Variants in CFAP221 observed in about 807,000 individuals in gnomAD.
CFAP221 encodes cilia and flagella associated protein 221.
Under a neutral mutation model 113.1 loss-of-function variants are expected in CFAP221, and 97 were observed. That is an observed-to-expected ratio of 0.86 (90% CI 0.73 to 1.02). CFAP221 has a LOEUF of 1.02. Among genes scored for constraint, CFAP221 ranks in the 50% least tolerant of loss-of-function variants. CFAP221 has a pLI of 0.00. For missense variants in CFAP221, 1,025 were observed against 1,013.4 expected (o/e 1.01, Z -0.16); for synonymous variants, 331 against 354.4 (o/e 0.93, Z 0.74).
chr2:119,570,549 C>T (rs555264213), intron 6 of CFAP221, among the ~76,000 whole-genome samples: 1 of 152,302 alleles, frequency 6.6e-6, no homozygotes, highest in East Asian at 1.9e-4. Context: ...CCAGCCTCAG[C>T]CAAAGCTGAT....
intron 11 of CFAP221, among the ~76,000 whole-genome samples, chr2:119,606,434 G>A (rs904055245): frequency 6.6e-6 from 1 of 152,074 alleles, no homozygotes; most frequent in East Asian, 1.9e-4. Flanking sequence ...TGCCCACCGG[G>A]CTGCTCCCCT....
intron 21 of CFAP221, 113 bp downstream of exon 21, chr2:119,639,985 G>A: frequency 1.1e-6 from 1 of 892,066 alleles, no homozygotes; most frequent in Non-Finnish European, 1.7e-6. Context: ...TTTAAAGCAT[G>A]AGAGAAGTTT....
At chr2:119,596,963 A>G (rs1245211097) in intron 7 of CFAP221, among the ~76,000 whole-genome samples, 1 of 152,234 alleles carries the variant, frequency 6.6e-6, no homozygotes, top group Non-Finnish European at 1.5e-5. Flanking sequence ...TGGGACGCTC[A>G]TCCCAGTGAT....
In CFAP221 at chr2:119,608,520, A is replaced by C; in HGVS notation, c.1152A>C (p.Lys384Asn). 6.2e-7 allele frequency: 1 copy of C among 1,612,154 alleles called. No homozygotes were observed. The highest frequency in any genetic ancestry group is 8.5e-7 in the Non-Finnish European group (1 of 1,179,280). ...NHLKWQVHLG[K>N]DPMSFKLKKE... ...TCCCCAGGCAGGTGCACCTTGGTAA[A>C]GATCCTATGTCTTTTAAACTTAAAA... The change falls in exon 12 of 24, where the codon AAA becomes AAC. Residue 384 changes from lysine to asparagine, a missense_variant. Transcript: ENST00000413369.
At chr2:119,561,772 C>T (rs992740838) in intron 5 of CFAP221, among the ~76,000 whole-genome samples, 1 of 151,840 alleles carries the variant, frequency 6.6e-6, no homozygotes, top group Admixed American at 6.6e-5. Context: ...TATGAGGCGT[C>T]ATTATCTTTA....
chr2:119,604,971 T>G lies in CFAP221; in HGVS notation c.1008T>G (p.Ile336Met), dbSNP rs1388646376. 3 of 1,613,874 alleles carry G rather than the reference T, an allele frequency of 1.9e-6. No individual in the cohort carries two copies. In the African/African-American group the frequency reaches 4.0e-5, roughly 22 times the overall value. Residue 336 changes from isoleucine to methionine, a missense_variant, in exon 10 of 24, where the codon ATT becomes ATG. By Grantham distance (10) the Ile-to-Met change is conservative. Transcript: ENST00000413369. ...ACCAAGAACCAGGAAAATTGAAGAT[T>G]AAAGAATTAAGAGAAGGTAACCAGT... is the stretch of plus-strand genomic sequence containing the variant. Reference protein sequence around the residue: ...VLNQEPGKLKIKELREVLDQG... With the variant: ...VLNQEPGKLKMKELREVLDQG...
chr2:119,587,954 A>G (rs1231129284), intron 7 of CFAP221, among the ~76,000 whole-genome samples: 10 of 152,222 alleles, frequency 6.6e-5, no homozygotes, highest in Non-Finnish European at 5.9e-5. Context: ...ATTATTTTCT[A>G]GAGGACCAGG....
At chr2:119,623,521 A>G (rs1456852756) in intron 14 of CFAP221, among the ~76,000 whole-genome samples, 1 of 152,258 alleles carries the variant, frequency 6.6e-6, no homozygotes, top group Non-Finnish European at 1.5e-5. Flanking sequence ...AAACTACTTT[A>G]AATTTCATTT....
chr2:119,577,395 G>T (rs906721299), intron 6 of CFAP221, among the ~76,000 whole-genome samples: 8 of 152,176 alleles, frequency 5.3e-5, no homozygotes, highest in African/African-American at 1.7e-4. Context: ...CTTATTAGAA[G>T]AAATGCCCTC....
At position 119,587,162 on chromosome 2, in the gene CFAP221, T is replaced by A. The variant is rs1158584603; in HGVS notation, c.571T>A (p.Phe191Ile). ...TTTGCAGTGCAGCTGCCCTGTAGATTTTGAGTTTTATATCACCTTGATTCA... is the reference window on the plus strand; with the variant it reads ...TTTGCAGTGCAGCTGCCCTGTAGATATTGAGTTTTATATCACCTTGATTCA... The part of the protein sequence containing the change: ...IPLQCSCPVD[F>I]EFYITLIQSH... The change falls in exon 7 of 24, where the codon TTT (phenylalanine) becomes ATT (isoleucine). Residue 191 changes from phenylalanine to isoleucine, a missense_variant. Physicochemically the swap from Phe to Ile is conservative, Grantham distance 21 (BLOSUM62 0). Transcript: ENST00000413369. The A allele has an allele frequency of 6.5e-7, 1 of 1,532,770 alleles. No homozygotes were observed. Among genetic ancestry groups the A allele is most frequent in the Non-Finnish European group, 8.7e-7 (1 of 1,145,264 alleles). 94.9% of individuals were successfully genotyped at this position (1,532,770 alleles called of 1,614,324 possible). A position where few individuals can be genotyped will look rare whatever the true frequency, so the allele number is the denominator to read the frequency against.
At chr2:119,659,264 C>T (rs1688542148), downstream of CFAP221, among the ~76,000 whole-genome samples, 1 of 152,150 alleles carries the variant, frequency 6.6e-6, no homozygotes, top group African/African-American at 2.4e-5. Context: ...TTTACTTTGG[C>T]TTTATAGAGT....
In CFAP221 at chr2:119,582,560, A is replaced by G. The variant is rs377442051; in HGVS notation, c.528-4559A>G. 2.3e-4 allele frequency among the ~76,000 whole-genome samples: 35 copies of G among 150,682 alleles called. No homozygotes were observed. The East Asian group carries it at 3.5e-3, about 15-fold the overall frequency. The stretch of plus-strand genomic sequence containing the variant: ...AACCTCCGCGTTCCAGGCTTCAGCC[A>G]TCAGCCCATCTCAGCCTCCCGAGCA... On this transcript the variant is annotated intron_variant, in intron 6 of 23. Transcript: ENST00000413369.
chr2:119,595,469 AG>A (rs1301527426), intron 7 of CFAP221, among the ~76,000 whole-genome samples: 28 of 152,220 alleles, frequency 1.8e-4, no homozygotes, highest in African/African-American at 6.7e-4. Flanking sequence ...TTTTTGAAGA[AG>A]GGTAGTTGAG....
In CFAP221 at chr2:119,546,198, C is replaced by T. The variant is rs1680039110; in HGVS notation, c.67C>T (p.Pro23Ser). The T allele has an allele frequency of 6.5e-7, 1 of 1,535,820 alleles. No individual in the cohort carries two copies. The highest frequency in any genetic ancestry group is 8.7e-7 in the Non-Finnish European group (1 of 1,146,752). ...NAKEPFNNAS[P>S]HLLKNLVEEP... ...TAAAGAACCCTTTAATAATGCATCA[C>T]CCCATCTCTTGAAGAACCTAGTGGA... Residue 23 changes from proline (P) to serine (S), a missense_variant, in exon 2 of 24, where the codon CCC (proline) becomes TCC (serine). Transcript: ENST00000413369.
chr2:119,623,452 T>C (rs1356802158), intron 14 of CFAP221, among the ~76,000 whole-genome samples: 1 of 152,226 alleles, frequency 6.6e-6, no homozygotes, highest in Non-Finnish European at 1.5e-5. Context: ...CAAAGTAATT[T>C]ATAGATTCAA....
intron 6 of CFAP221, among the ~76,000 whole-genome samples, chr2:119,579,788 T>C (rs755071388): frequency 3.3e-5 from 5 of 152,164 alleles, no homozygotes; most frequent in Non-Finnish European, 7.4e-5. Context: ...ATGTAACAAA[T>C]GGGAAAAGCT....
At position 119,601,258 on chromosome 2, in the gene CFAP221, G is replaced by A. The variant is rs1183533117; in HGVS notation, c.672G>A (p.Lys224=). The A allele has an allele frequency of 1.8e-5, 27 of 1,534,670 alleles. No individual in the cohort carries two copies. Among genetic ancestry groups the A allele is most frequent in the Non-Finnish European group, 8.7e-6 (10 of 1,145,986 alleles). The part of the protein sequence containing the change: ...PANGKMTVTI[K]FTPFQYGTAQ... ...ATGGGAAGATGACTGTGACTATTAA[G>A]TTTACACCCTTTCAGTATGGGACTG... The change falls in exon 8 of 24, where the codon AAG becomes AAA. Residue 224 remains lysine (K), a synonymous_variant. Coordinates refer to ENST00000413369, the MANE Select transcript of CFAP221 (RefSeq NM_001271049.2).
Position 119,611,568 on chromosome 2 carries a change from C to T in CFAP221, c.1222-85C>T, listed in dbSNP as rs1685168835. ...CGTCGTGGGTGGATTTGGCCAATTG[C>T]TTAATGGGTTTCTACAAGTTTTAAA... On this transcript the variant is annotated intron_variant, in intron 12 of 23. Transcript: ENST00000413369. The T allele has an allele frequency of 2.4e-6, 3 of 1,265,222 alleles. No homozygotes were observed. In the South Asian group the frequency reaches 4.0e-5, roughly 17 times the overall value. 78.4% of individuals were successfully genotyped at this position (1,265,222 alleles called of 1,614,324 possible). A position where few individuals can be genotyped will look rare whatever the true frequency, so the allele number is the denominator to read the frequency against.
At chr2:119,653,120 C>T (rs1688224392) in intron 23 of CFAP221, among the ~76,000 whole-genome samples, 1 of 151,794 alleles carries the variant, frequency 6.6e-6, no homozygotes, top group African/African-American at 2.4e-5. Flanking sequence ...GTGGCTCATG[C>T]CTGTAATCCC....
Sources: allele counts gnomAD v4.1 joint callset (sites outside exome capture counted in the v4.1 genomes callset), GRCh38; gene constraint gnomAD v4.1.1; transcripts MANE v1.5; gene names NCBI Gene and HGNC (gene_info 2026-07-23, HGNC 2026-07-21).